TMED8: variants seen among roughly 807,000 people sequenced by gnomAD.
TMED8 encodes the protein transmembrane p24 trafficking protein family member 8.
A neutral mutation model predicts 32.7 loss-of-function variants in TMED8; 15 were observed. That is an observed-to-expected ratio of 0.46 (90% confidence interval 0.31 to 0.71). TMED8 has a LOEUF of 0.71. TMED8 is among the 30% of genes least tolerant of loss of function. The pLI is 0.06. For missense variants in TMED8, 390 were observed against 423.9 expected (o/e 0.92, Z 0.70); for synonymous variants, 147 against 161.4 (o/e 0.91, Z 0.68).
rs565923609 is a variant in TMED8, at chr14:77,337,307, T to C, written c.*4464A>G. On this transcript the variant is annotated 3_prime_UTR_variant, in exon 6 of 6. Coordinates refer to ENST00000216468, the MANE Select transcript of TMED8 (RefSeq NM_213601.3). ...ACTCTTGTACTGACATGCCAGTTAG[T>C]AAGGAAAACAGCAGAGATCATGGCC... 6.6e-6 allele frequency: 1 copy of C among 152,098 alleles called. No homozygotes were observed. The highest frequency in any genetic ancestry group is 1.9e-4 in the East Asian group (1 of 5,176). The allele number at this position is 152,098 out of a possible 1,614,324, so 9.4% of individuals were successfully genotyped here. A position where few individuals can be genotyped will look rare whatever the true frequency, so the allele number is the denominator to read the frequency against.
intron 1 of TMED8, among the ~76,000 whole-genome samples, chr14:77,369,525 A>C (rs957058929): frequency 6.6e-6 from 1 of 152,218 alleles, no homozygotes; most frequent in Middle Eastern, 3.2e-3. Context: ...CGGGTCCTGA[A>C]CACTAATCCA....
At chr14:77,351,795 T>A in intron 1 of TMED8, 44 bp from the exon 2 acceptor site, 105 of 1,124,072 alleles carry the variant, frequency 9.3e-5, no homozygotes, top group Middle Eastern at 2.2e-4. Flanking sequence ...TGAGAGGGAA[T>A]ACAATCATAA....
intron 1 of TMED8, among the ~76,000 whole-genome samples, chr14:77,362,799 T>C (rs1476648175): frequency 6.6e-6 from 1 of 152,154 alleles, no homozygotes; most frequent in East Asian, 1.9e-4. Context: ...AGATATTCCA[T>C]GTAAACAGTA....
At chr14:77,354,116 AT>A (rs1893240034) in intron 1 of TMED8, among the ~76,000 whole-genome samples, 1 of 152,148 alleles carries the variant, frequency 6.6e-6, no homozygotes, top group Admixed American at 6.5e-5. Context: ...AGTTTGTTCC[AT>A]TTAAAGAAAG....
intron 1 of TMED8, among the ~76,000 whole-genome samples, chr14:77,358,947 A>C (rs1893366161): frequency 6.6e-6 from 1 of 151,954 alleles, no homozygotes; most frequent in Admixed American, 6.6e-5. Flanking sequence ...TTGCTGTGTG[A>C]CCCAGGCTGG....
rs542105963 is a variant in TMED8 at position 77,335,501 on chromosome 14, G to A, written c.*6270C>T. On this transcript the variant is annotated 3_prime_UTR_variant, in exon 6 of 6. Coordinates refer to ENST00000216468, the MANE Select transcript of TMED8 (RefSeq NM_213601.3). The stretch of plus-strand genomic sequence containing the variant: ...AGTTGCCAATTGCTTAAATCTTTAC[G>A]AAGAAAACATGATCATCTTTCAGTC... 9.8e-5 allele frequency: 15 copies of A among 152,286 alleles called. No individual in the cohort carries two copies. Among genetic ancestry groups the A allele is most frequent in the Non-Finnish European group, 1.8e-4 (12 of 68,012 alleles). 9.4% of individuals were successfully genotyped at this position (152,286 alleles called of 1,614,324 possible). A position where few individuals can be genotyped will look rare whatever the true frequency, so the allele number is the denominator to read the frequency against.
At chr14:77,343,534 C>T (rs746781624) in intron 4 of TMED8, 51 bp from the exon 5 acceptor site, 1 of 1,595,934 alleles carries the variant, frequency 6.3e-7, no homozygotes, top group South Asian at 1.1e-5. Context: ...AACATGAGTA[C>T]CCCGGGCATT....
chr14:77,366,224 C>T (rs1282667616), intron 1 of TMED8, among the ~76,000 whole-genome samples: 1 of 152,188 alleles, frequency 6.6e-6, no homozygotes, highest in Non-Finnish European at 1.5e-5. Context: ...AGTCATCTGT[C>T]AATCTTCTGG....
intron 1 of TMED8, among the ~76,000 whole-genome samples, chr14:77,358,891 CTTTT>C (rs531819905): frequency 6.6e-6 from 1 of 151,768 alleles, no homozygotes; most frequent in East Asian, 1.9e-4. Flanking sequence ...TCTTCTGCAA[CTTTT>C]TTTTGTTTGT....
At position 77,343,094 on chromosome 14, in the gene TMED8, A is replaced by G; in HGVS notation, c.760+84T>C. ...GTTTCTCAACTGCATTCAAAGGAAGAGGAGGACTGGTACAACCCACAAAAT... is the reference window on the plus strand; with the variant it reads ...GTTTCTCAACTGCATTCAAAGGAAGGGGAGGACTGGTACAACCCACAAAAT... On this transcript the variant is annotated intron_variant, in intron 5 of 5. Transcript: ENST00000216468. The G allele has an allele frequency of 2.2e-6, 3 of 1,340,496 alleles. No homozygotes were observed. In the South Asian group the frequency reaches 4.1e-5, roughly 18 times the overall value. 83.0% of individuals were successfully genotyped at this position (1,340,496 alleles called of 1,614,324 possible). A position where few individuals can be genotyped will look rare whatever the true frequency, so the allele number is the denominator to read the frequency against.
At chr14:77,372,830 T>G (rs527560202) in intron 1 of TMED8, among the ~76,000 whole-genome samples, 8 of 146,934 alleles carry the variant, frequency 5.4e-5, no homozygotes, top group African/African-American at 2.0e-4. Context: ...ATTGACTCCC[T>G]ATTATTCTTA....
At position 77,346,483 on chromosome 14, in the gene TMED8, C is replaced by T; in HGVS notation, c.198-5G>A. ...ACTGGAGATACCATCTGTGGCCTCTCAGAGGAAGAGAGCATGTTAATTCAA... is the reference window on the plus strand; with the variant it reads ...ACTGGAGATACCATCTGTGGCCTCTTAGAGGAAGAGAGCATGTTAATTCAA... On this transcript the variant is annotated splice_polypyrimidine_tract_variant and splice_region_variant and intron_variant, in intron 2 of 5. Coordinates refer to ENST00000216468, the MANE Select transcript of TMED8 (RefSeq NM_213601.3). The T allele has an allele frequency of 6.2e-7, 1 of 1,614,116 alleles. No homozygotes were observed. The highest frequency in any genetic ancestry group is 2.2e-5 in the East Asian group (1 of 44,882).
chr14:77,355,786 C>T (rs1354338910), intron 1 of TMED8, among the ~76,000 whole-genome samples: 1 of 152,194 alleles, frequency 6.6e-6, no homozygotes, highest in Non-Finnish European at 1.5e-5. Context: ...GATCAAGGTA[C>T]ATTGTGTTGG....
chr14:77,365,850 C>A (rs1893540008), intron 1 of TMED8, among the ~76,000 whole-genome samples: 1 of 151,918 alleles, frequency 6.6e-6, no homozygotes, highest in Non-Finnish European at 1.5e-5. Flanking sequence ...TTTTTTGGTA[C>A]AATTCTATGG....
Position 77,344,611 on chromosome 14 carries a change from T to C in TMED8, c.328-788A>G, listed in dbSNP as rs922339379. Among the ~76,000 whole-genome samples the C allele has an allele frequency of 1.3e-5, 2 of 152,246 alleles. 1 individual carries two copies. Among genetic ancestry groups the C allele is most frequent in the African/African-American group, 4.8e-5 (2 of 41,470 alleles). Reference sequence around the variant, plus strand: ...ACTCAGATTAGTGTTCCTGGTTTCATGCTATTATACCTTAATTTCTGCCCC... The same window carrying C: ...ACTCAGATTAGTGTTCCTGGTTTCACGCTATTATACCTTAATTTCTGCCCC... On this transcript the variant is annotated intron_variant, in intron 3 of 5. Transcript: ENST00000216468.
intron 5 of TMED8, 67 bp from the exon 6 acceptor site, chr14:77,342,055 C>A: frequency 7.2e-7 from 1 of 1,396,462 alleles, no homozygotes; most frequent in Non-Finnish European, 1.0e-6. Context: ...AGCGGAAGGA[C>A]CAGGTGACCC....
chr14:77,341,934 C>T lies in TMED8; in HGVS notation c.815G>A (p.Arg272His), dbSNP rs556223514. ...ERGSRSSLRG[R>H]YGEVMPVYRR... ...GTACACAGGCATGACCTCCCCATAG[C>T]GACCCCGCAAGGAGCTCCTGGAGCC... The change falls in exon 6 of 6, where the codon CGC (arginine) becomes CAC (histidine). Residue 272 changes from arginine to histidine, a missense_variant. Transcript: ENST00000216468. 91 of 1,613,966 alleles carry T rather than the reference C, an allele frequency of 5.6e-5. No homozygotes were observed. Among genetic ancestry groups the T allele is most frequent in the Middle Eastern group, 1.6e-4 (1 of 6,062 alleles).
At chr14:77,373,778 T>C (rs1893751461) in intron 1 of TMED8, among the ~76,000 whole-genome samples, 1 of 152,208 alleles carries the variant, frequency 6.6e-6, no homozygotes. Context: ...GGGAGGTGAC[T>C]GGATCGTGGA....
At chr14:77,371,741 T>C (rs1893683111) in intron 1 of TMED8, among the ~76,000 whole-genome samples, 1 of 152,194 alleles carries the variant, frequency 6.6e-6, no homozygotes, top group African/African-American at 2.4e-5. Flanking sequence ...CAGTGAAATT[T>C]AAGCCACTAT....
Sources: allele counts gnomAD v4.1 joint callset (sites outside exome capture counted in the v4.1 genomes callset), GRCh38; gene constraint gnomAD v4.1.1; transcripts MANE v1.5; gene names NCBI Gene and HGNC (gene_info 2026-07-23, HGNC 2026-07-21).